Variants in PRKN observed in about 807,000 individuals in gnomAD.
PRKN encodes the protein E3 ubiquitin-protein ligase parkin.
In PRKN, 56 loss-of-function variants were observed where a neutral mutation model predicts 59.5. The observed-to-expected ratio is 0.94, with a 90% CI of 0.76 to 1.18. The LOEUF is 1.18. PRKN is among the 50% of genes most tolerant of loss of function. PRKN has a pLI of 0.00. For synonymous variants in PRKN, 250 were observed against 222.1 expected, an observed-to-expected ratio of 1.13 and a Z score of -1.12; for missense variants, 657 against 596.4, an observed-to-expected ratio of 1.10 and a Z score of -1.06.
intron 7 of PRKN, among the ~76,000 whole-genome samples, chr6:161,613,367 A>AT (rs60633901): frequency 0.18 from 27,441 of 148,990 alleles, 2,899 homozygotes; most frequent in East Asian, 0.55. Context: ...ATGCGCAAAG[A>AT]TTTTTTTTTT....
chr6:161,381,307 G>C (rs1162657958), intron 10 of PRKN, among the ~76,000 whole-genome samples: 2 of 152,146 alleles, frequency 1.3e-5, no homozygotes, highest in African/African-American at 2.4e-5. Context: ...GGTCATCAGT[G>C]CTGGCTGGTG....
chr6:161,753,677 C>T (rs1002129771), intron 7 of PRKN, among the ~76,000 whole-genome samples: 4 of 152,208 alleles, frequency 2.6e-5, no homozygotes, highest in East Asian at 1.9e-4. Flanking sequence ...GAGCCAACCC[C>T]GAGTGGGGGA....
chr6:162,057,265 T>A (rs1777905290), intron 4 of PRKN, among the ~76,000 whole-genome samples: 2 of 152,210 alleles, frequency 1.3e-5, no homozygotes, highest in African/African-American at 4.8e-5. Context: ...AGAGTAACAC[T>A]GTTAAAACTG....
intron 9 of PRKN, among the ~76,000 whole-genome samples, chr6:161,424,096 G>A (rs1442846422): frequency 6.6e-6 from 1 of 152,080 alleles, no homozygotes; most frequent in Non-Finnish European, 1.5e-5. Context: ...CAGCACTTTC[G>A]GAGGCCAAGG....
At chr6:161,699,766 G>T (rs1409226255) in intron 7 of PRKN, among the ~76,000 whole-genome samples, 1 of 152,148 alleles carries the variant, frequency 6.6e-6, no homozygotes, top group African/African-American at 2.4e-5. Flanking sequence ...ACTCTTGGGG[G>T]TGATAGAGAA....
chr6:161,412,133 A>G (rs903883131), intron 9 of PRKN, among the ~76,000 whole-genome samples: 7 of 106,312 alleles, frequency 6.6e-5, no homozygotes, highest in East Asian at 6.0e-4. Context: ...TCATTCCTTC[A>G]CTCACTCATT....
At chr6:162,452,850 T>A (rs530996544) in intron 1 of PRKN, among the ~76,000 whole-genome samples, 1 of 152,028 alleles carries the variant, frequency 6.6e-6, no homozygotes, top group East Asian at 1.9e-4. Flanking sequence ...CAGGGCTGCA[T>A]TTTAGATATA....
chr6:161,552,787 G>GTTGTTGTTT lies in PRKN; in HGVS notation c.934-3785_934-3784insAAACAACAA. Among the ~76,000 whole-genome samples the GTTGTTGTTT allele has an allele frequency of 1.2e-5, 1 of 86,504 alleles. No homozygotes were observed. The highest frequency in any genetic ancestry group is 3.9e-5 in the African/African-American group (1 of 25,794). The allele number at this position is 86,504 out of a possible 152,430, so 56.7% of individuals were successfully genotyped here. On this transcript the variant is annotated intron_variant, in intron 8 of 11. Transcript: ENST00000366898. This position sits in a 1 kb window ranked among gnomAD's most constrained non-coding sequence, Gnocchi z 4.9. ...TAAAAGACACCATGGTTTTGTTGTT[G>GTTGTTGTTT]TTTTTGTTTTTTGTTTTTTTTTTTT...
chr6:162,445,176 G>T (rs1331825721), intron 1 of PRKN, among the ~76,000 whole-genome samples: 2 of 152,098 alleles, frequency 1.3e-5, no homozygotes, highest in Non-Finnish European at 1.5e-5. Flanking sequence ...GCCAGACATT[G>T]TGCTCTCATA....
At chr6:162,448,791 CCTTTCTTTCTCTTTCT>C (rs1436926051) in intron 1 of PRKN, among the ~76,000 whole-genome samples, 23 of 149,220 alleles carry the variant, frequency 1.5e-4, no homozygotes, top group Non-Finnish European at 2.5e-4. Context: ...TCTCCCTGGA[CCTTTCTTTCTCTTTCT>C]CTTTCTTTCT....
chr6:161,711,496 GA>G (rs1271199509), intron 7 of PRKN, among the ~76,000 whole-genome samples: 5 of 152,180 alleles, frequency 3.3e-5, no homozygotes, highest in African/African-American at 1.2e-4. Flanking sequence ...GTCTAAATTT[GA>G]ATAATAATAA....
rs1318119167 is a variant in PRKN at position 161,440,144 on chromosome 6, G to T, written c.1084-53267C>A. Among the ~76,000 whole-genome samples, 4 of 151,414 alleles carry T rather than the reference G, an allele frequency of 2.6e-5. No homozygotes were observed. The South Asian group carries it at 6.3e-4, about 24-fold the overall frequency. ...TTTTTTTGGTATTTTTAGTAGAGACGGGGTTTCACCGTGTTAGCCAGGATG... is the reference window on the plus strand; with the variant it reads ...TTTTTTTGGTATTTTTAGTAGAGACTGGGTTTCACCGTGTTAGCCAGGATG... On this transcript the variant is annotated intron_variant, in intron 9 of 11. Transcript: ENST00000366898. The surrounding 1 kb of genome is among the most constrained non-coding windows in gnomAD (Gnocchi z 4.1).
At chr6:162,128,869 C>T (rs1412173603) in intron 4 of PRKN, among the ~76,000 whole-genome samples, 1 of 152,196 alleles carries the variant, frequency 6.6e-6, no homozygotes, top group African/African-American at 2.4e-5. Context: ...GACACCTAAT[C>T]TGCTGGACAC....
At chr6:162,658,678 AAAAAAAG>A (rs370241516) in intron 1 of PRKN, among the ~76,000 whole-genome samples, 24,243 of 145,960 alleles carry the variant, frequency 0.17, 2,423 homozygotes, top group East Asian at 0.45. Context: ...AAAAAAGAAA[AAAAAAAG>A]AAAAAAGAAA....
At chr6:162,656,706 C>T (rs542933846) in intron 1 of PRKN, among the ~76,000 whole-genome samples, 81 of 152,190 alleles carry the variant, frequency 5.3e-4, no homozygotes, top group Non-Finnish European at 7.5e-4. Flanking sequence ...ATGACCACCA[C>T]CATCCCAACA....
rs1429809671 is a variant in PRKN at position 161,349,074 on chromosome 6, G to A, written c.*1025C>T. 2 of 220,696 alleles carry A rather than the reference G, an allele frequency of 9.1e-6. No individual in the cohort carries two copies. Among genetic ancestry groups the A allele is most frequent in the Admixed American group, 5.8e-5 (1 of 17,330 alleles). 13.7% of individuals were successfully genotyped at this position (220,696 alleles called of 1,614,324 possible). ...GGGGTATAAACCCTTCTGATGGAGA[G>A]AGTCGGGCGTGTCTTCATTTTGGTA... On this transcript the variant is annotated 3_prime_UTR_variant, in exon 12 of 12. Coordinates refer to ENST00000366898, the MANE Select transcript of PRKN (RefSeq NM_004562.3). This position sits in a 1 kb window ranked among gnomAD's most constrained non-coding sequence, Gnocchi z 5.5.
intron 10 of PRKN, among the ~76,000 whole-genome samples, chr6:161,366,911 G>T (rs1582977093): frequency 8.0e-6 from 1 of 125,296 alleles, no homozygotes. Flanking sequence ...TCGCTTTTTT[G>T]TTTTTTTTCT....
chr6:162,495,425 C>T (rs1583668873), intron 1 of PRKN, among the ~76,000 whole-genome samples: 1 of 152,088 alleles, frequency 6.6e-6, no homozygotes, highest in African/African-American at 2.4e-5. Flanking sequence ...GTCCAAATGA[C>T]ACAGTGGGCC....
intron 6 of PRKN, among the ~76,000 whole-genome samples, chr6:161,970,084 C>T (rs1780743104): frequency 6.6e-6 from 1 of 152,122 alleles, no homozygotes; most frequent in African/African-American, 2.4e-5. Context: ...CACTTTGTCA[C>T]CCAGGCTGGA....
Sources: allele counts gnomAD v4.1 joint callset (sites outside exome capture counted in the v4.1 genomes callset), GRCh38; gene constraint gnomAD v4.1.1; non-coding constraint Gnocchi (gnomAD v3.1); transcripts MANE v1.5; gene names NCBI Gene and HGNC (gene_info 2026-07-23, HGNC 2026-07-21).